Variants in SLC29A3 observed in about 807,000 individuals in gnomAD.
SLC29A3 encodes equilibrative nucleoside transporter 3.
A neutral mutation model predicts 25.4 loss-of-function variants in SLC29A3; 18 were observed. The observed-to-expected ratio is 0.71, with a 90% CI of 0.49 to 1.05. The LOEUF (loss-of-function observed/expected upper bound fraction) is 1.05. Ranked by LOEUF, SLC29A3 falls within the 50% of genes least tolerant of loss-of-function variation. The pLI is 0.00. For missense variants in SLC29A3, 586 were observed against 609.0 expected (o/e 0.96, Z 0.40); for synonymous variants, 258 against 267.1 (o/e 0.97, Z 0.33).
At chr10:71,372,291 G>T (rs1364819295) in intron 3 of SLC29A3, among the ~76,000 whole-genome samples, 1 of 152,198 alleles carries the variant, frequency 6.6e-6, no homozygotes, top group Non-Finnish European at 1.5e-5. Flanking sequence ...TAGGTGGAAG[G>T]ATTATTATCC....
intron 4 of SLC29A3, chr10:71,352,831 G>A (rs1846800628): frequency 6.6e-6 from 1 of 152,286 alleles, no homozygotes; most frequent in South Asian, 2.1e-4. Context: ...AAAAAGGAGC[G>A]GGTCAGGAAC....
chr10:71,346,549 T>A (rs1589234290), intron 3 of SLC29A3, among the ~76,000 whole-genome samples: 1 of 152,112 alleles, frequency 6.6e-6, no homozygotes, highest in South Asian at 2.1e-4. Flanking sequence ...AATAAATTTT[T>A]AAAAAATTAG....
chr10:71,329,504 C>T (rs6480511), intron 2 of SLC29A3, among the ~76,000 whole-genome samples: 11,953 of 151,532 alleles, frequency 0.079, 672 homozygotes, highest in African/African-American at 0.16. Context: ...CCCACGTGTT[C>T]CACTCACCCA....
At chr10:71,355,009 T>C (rs1433653375) in intron 4 of SLC29A3, among the ~76,000 whole-genome samples, 3 of 152,162 alleles carry the variant, frequency 2.0e-5, no homozygotes, top group Non-Finnish European at 4.4e-5. Context: ...CTGTGAGGGT[T>C]CGAAGGAACA....
downstream of SLC29A3, among the ~76,000 whole-genome samples, chr10:71,366,689 G>A (rs540388702): frequency 1.6e-4 from 25 of 152,296 alleles, no homozygotes; most frequent in East Asian, 1.2e-3. Flanking sequence ...TCATCAGCTC[G>A]GAGGTGATGT....
chr10:71,355,437 ATGAC>A (rs1453627067), intron 4 of SLC29A3, among the ~76,000 whole-genome samples: 1 of 152,182 alleles, frequency 6.6e-6, no homozygotes, highest in Non-Finnish European at 1.5e-5. Context: ...ATGTAGGTGT[ATGAC>A]TGTGTGTGTG....
intron 3 of SLC29A3, among the ~76,000 whole-genome samples, chr10:71,347,755 C>T (rs1317936749): frequency 6.6e-6 from 1 of 152,158 alleles, no homozygotes; most frequent in East Asian, 1.9e-4. Context: ...GACAGAGCAG[C>T]GTTCCACACT....
In SLC29A3 at chr10:71,322,942, G is replaced by A. The variant is rs1334313761; in HGVS notation, c.188G>A (p.Gly63Asp). Residue 63 changes from glycine (G) to aspartate (D), a missense_variant, in exon 2 of 6, where the codon GGC becomes GAC. By Grantham distance (94) the Gly-to-Asp change is moderately conservative (BLOSUM62 -1). Transcript: ENST00000373189. Reference protein sequence around the residue: ...TYIIFFSLGIGSLLPWNFFIT... With the variant: ...TYIIFFSLGIDSLLPWNFFIT... ...ATCATCTTCTTCAGCCTGGGCATTGGCAGTCTACTGCCATGGAACTTCTTT... is the reference window on the plus strand; with the variant it reads ...ATCATCTTCTTCAGCCTGGGCATTGACAGTCTACTGCCATGGAACTTCTTT... 6.2e-7 allele frequency: 1 copy of A among 1,614,176 alleles called. No individual in the cohort carries two copies. The highest frequency in any genetic ancestry group is 1.3e-5 in the African/African-American group (1 of 75,044).
At chr10:71,331,653 G>A (rs879493977) in intron 2 of SLC29A3, among the ~76,000 whole-genome samples, 9 of 152,276 alleles carry the variant, frequency 5.9e-5, no homozygotes, top group Middle Eastern at 3.4e-3. Flanking sequence ...AATTCTGGTC[G>A]TGACCCATCA....
At chr10:71,371,111 G>GT (rs1847208363) in intron 3 of SLC29A3, among the ~76,000 whole-genome samples, 1 of 152,114 alleles carries the variant, frequency 6.6e-6, no homozygotes, top group Non-Finnish European at 1.5e-5. Context: ...ATTTTGAAAT[G>GT]TATGATAGAT....
At chr10:71,347,171 G>A (rs1207834854) in intron 3 of SLC29A3, among the ~76,000 whole-genome samples, 1 of 152,188 alleles carries the variant, frequency 6.6e-6, no homozygotes, top group African/African-American at 2.4e-5. Context: ...CCCTCCTGGA[G>A]AACCGTGGCT....
At chr10:71,323,096 G>A in intron 2 of SLC29A3, 42 bp downstream of exon 2, 13 of 1,608,222 alleles carry the variant, frequency 8.1e-6, no homozygotes, top group Non-Finnish European at 1.1e-5. Flanking sequence ...GGAGCATACA[G>A]AGGCCTCATG....
downstream of SLC29A3, chr10:71,364,672 G>A (rs1847151892): frequency 1.3e-5 from 2 of 152,226 alleles, no homozygotes; most frequent in African/African-American, 4.8e-5. Context: ...TGAAACAGAA[G>A]CAGTCAGTAA....
downstream of SLC29A3, among the ~76,000 whole-genome samples, chr10:71,368,322 A>G (rs982187876): frequency 6.6e-6 from 1 of 152,262 alleles, no homozygotes. Flanking sequence ...AGTATCTGGC[A>G]TATGATAGAT....
At position 71,363,200 on chromosome 10, in the gene SLC29A3, C is replaced by T. The variant is rs1847116380; in HGVS notation, c.*592C>T. ...ATGGGCCTTCCATGAATGCTTCATT[C>T]CAGAGGGACCAGAGGGCCTCCCTGT... is the stretch of plus-strand genomic sequence containing the variant. On this transcript the variant is annotated 3_prime_UTR_variant, in exon 6 of 6. Coordinates refer to ENST00000373189, the MANE Select transcript of SLC29A3 (RefSeq NM_018344.6). 1 of 451,930 alleles carries T rather than the reference C, an allele frequency of 2.2e-6. No individual in the cohort carries two copies. Among genetic ancestry groups the T allele is most frequent in the East Asian group, 6.9e-5 (1 of 14,396 alleles). The allele number at this position is 451,930 out of a possible 1,614,324, so 28.0% of individuals were successfully genotyped here.
chr10:71,373,669 AAGGAGTCTGT>A (rs1324459736), intron 3 of SLC29A3, among the ~76,000 whole-genome samples: 1 of 152,220 alleles, frequency 6.6e-6, no homozygotes, highest in Non-Finnish European at 1.5e-5. Flanking sequence ...CCTATGGGAC[AAGGAGTCTGT>A]AGGACCAAAG....
intron 2 of SLC29A3, among the ~76,000 whole-genome samples, chr10:71,333,262 T>C (rs1846162940): frequency 6.6e-6 from 1 of 152,232 alleles, no homozygotes; most frequent in South Asian, 2.1e-4. Flanking sequence ...CTGGGAGGAC[T>C]GTGTAACAGC....
At chr10:71,353,882 C>T (rs1421077049) in intron 4 of SLC29A3, among the ~76,000 whole-genome samples, 2 of 152,212 alleles carry the variant, frequency 1.3e-5, no homozygotes, top group East Asian at 3.9e-4. Flanking sequence ...TCCCGGAGGC[C>T]TGGTTTGTTG....
chr10:71,356,022 C>T lies in SLC29A3; in HGVS notation c.611-59C>T, dbSNP rs1220174364. The stretch of plus-strand genomic sequence containing the variant: ...TGTGAAACCCAAGCAGGGAGGGGCC[C>T]GCAGCCACTCCTCCTCGCCCACCCC... On this transcript the variant is annotated intron_variant, in intron 4 of 5. Coordinates refer to ENST00000373189, the MANE Select transcript of SLC29A3 (RefSeq NM_018344.6). The T allele has an allele frequency of 5.7e-6, 9 of 1,588,636 alleles. No individual in the cohort carries two copies. In the South Asian group the frequency reaches 6.6e-5, roughly 12 times the overall value.
Sources: allele counts gnomAD v4.1 joint callset (sites outside exome capture counted in the v4.1 genomes callset), GRCh38; gene constraint gnomAD v4.1.1; transcripts MANE v1.5; gene names NCBI Gene and HGNC (gene_info 2026-07-23, HGNC 2026-07-21).